YTHDC2: variants seen among roughly 807,000 people sequenced by gnomAD.
The protein encoded by YTHDC2 is 3'-5' RNA helicase YTHDC2.
YTHDC2 carries 45 observed loss-of-function variants against 174.9 expected under a neutral mutation model. That is an observed-to-expected ratio of 0.26 (90% CI 0.20 to 0.33). The LOEUF (loss-of-function observed/expected upper bound fraction) is 0.33, where lower values mean the gene tolerates loss of function less well. YTHDC2 is among the 10% of genes least tolerant of loss of function. YTHDC2 has a pLI of 1.00. For synonymous variants in YTHDC2, 657 were observed against 574.5 expected (o/e 1.14, Z -2.05); for missense variants, 1,650 against 1,723.7 (o/e 0.96, Z 0.76).
At chr5:113,517,534 A>G in intron 2 of YTHDC2, 1 of 456,160 alleles carries the variant, frequency 2.2e-6, no homozygotes. Flanking sequence ...AGTTATGGAG[A>G]CAAAAATGGG....
At position 113,548,623 on chromosome 5, in the gene YTHDC2, A is replaced by C; in HGVS notation, c.1578A>C (p.Leu526Phe). The change falls in exon 11 of 30, where the codon TTA (leucine) becomes TTC (phenylalanine). Residue 526 changes from leucine (L) to phenylalanine (F), a missense_variant. This residue lies in a region of YTHDC2 where 411 missense variants were observed against 380.6 expected (regional missense o/e 1.08). Coordinates refer to ENST00000161863, the MANE Select transcript of YTHDC2 (RefSeq NM_022828.5). ...GRGFASQVEQ[L>F]ISMGANVHSK... ...GCTTTGCAAGTCAAGTAGAACAGTT[A>C]ATCAGTATGGGAGCCAATGTCCATA... 1.2e-6 allele frequency: 2 copies of C among 1,613,468 alleles called. No homozygotes were observed. The highest frequency in any genetic ancestry group is 1.7e-6 in the Non-Finnish European group (2 of 1,179,682).
At chr5:113,581,828 A>T in intron 25 of YTHDC2, 119 bp downstream of exon 25, 1 of 857,994 alleles carries the variant, frequency 1.2e-6, no homozygotes, top group Non-Finnish European at 1.6e-6. Context: ...TCTAAGATCC[A>T]TGAAAAGATA....
intron 4 of YTHDC2, among the ~76,000 whole-genome samples, chr5:113,532,306 G>A (rs1774730597): frequency 6.6e-6 from 1 of 152,124 alleles, no homozygotes; most frequent in East Asian, 1.9e-4. Flanking sequence ...ATAAGTAACA[G>A]TAGTTACTTT....
chr5:113,527,715 C>T (rs1196385113), intron 4 of YTHDC2, among the ~76,000 whole-genome samples: 6 of 151,362 alleles, frequency 4.0e-5, no homozygotes, highest in African/African-American at 1.5e-4. Flanking sequence ...AAACTTGATC[C>T]TGTAAAACTG....
At chr5:113,589,159 C>G (rs946623503) in intron 26 of YTHDC2, among the ~76,000 whole-genome samples, 10 of 151,526 alleles carry the variant, frequency 6.6e-5, no homozygotes, top group African/African-American at 2.4e-4. Context: ...GCCTGAAGAA[C>G]CTCCTTTCTG....
intron 20 of YTHDC2, among the ~76,000 whole-genome samples, chr5:113,565,067 G>T (rs1428826121): frequency 2.0e-5 from 3 of 151,972 alleles, no homozygotes; most frequent in Non-Finnish European, 4.4e-5. Context: ...GCCTGCTTTG[G>T]CCTCCCAAAG....
In YTHDC2 at chr5:113,527,381, T is replaced by C. The variant is rs1774336939; in HGVS notation, c.675+596T>C. ...GTACCTCCTTATGAAGTTTTACTCA[T>C]AGGATAACAGATTGGAAGTAGTAAG... On this transcript the variant is annotated intron_variant, in intron 4 of 29. Transcript: ENST00000161863. Among the ~76,000 whole-genome samples the C allele has an allele frequency of 1.3e-5, 2 of 152,228 alleles. 1 individual carries two copies. The highest frequency in any genetic ancestry group is 4.8e-5 in the African/African-American group (2 of 41,458).
chr5:113,530,800 G>C (rs780197821), intron 4 of YTHDC2, among the ~76,000 whole-genome samples: 10 of 151,294 alleles, frequency 6.6e-5, no homozygotes, highest in Non-Finnish European at 1.0e-4. Context: ...GAAGATTCAA[G>C]TTTCTGGCCT....
In YTHDC2 at chr5:113,549,011, A is replaced by T; in HGVS notation, c.1679A>T (p.Glu560Val). Residue 560 changes from glutamate to valine, a missense_variant, in exon 12 of 30, where the codon GAA becomes GTA. Glu to Val is a moderately radical substitution (Grantham distance 121). Coordinates refer to ENST00000161863, the MANE Select transcript of YTHDC2 (RefSeq NM_022828.5). The stretch of plus-strand genomic sequence containing the variant: ...CAGACTGAAATTGTGGATCTTCTAG[A>T]ATCTTACAGGTAAAACTTTGTACTA... The part of the protein sequence containing the change: ...FGQTEIVDLL[E>V]SYSATLEFGN... The T allele has an allele frequency of 6.2e-7, 1 of 1,612,354 alleles. No individual in the cohort carries two copies. Among genetic ancestry groups the T allele is most frequent in the Non-Finnish European group, 8.5e-7 (1 of 1,178,910 alleles).
In YTHDC2 at chr5:113,554,415, C is replaced by A. The variant is rs371445035; in HGVS notation, c.2133+393C>A. Among the ~76,000 whole-genome samples, 7 of 152,136 alleles carry A rather than the reference C, an allele frequency of 4.6e-5. No homozygotes were observed. The South Asian group carries it at 1.5e-3, about 32-fold the overall frequency. ...TTTTTATGTTTTCCTTCTACATATGCACATGGATTATGTCTTTGTTCACTG... is the reference window on the plus strand; with the variant it reads ...TTTTTATGTTTTCCTTCTACATATGAACATGGATTATGTCTTTGTTCACTG... On this transcript the variant is annotated intron_variant, in intron 16 of 29. Transcript: ENST00000161863.
At chr5:113,517,469 T>C (rs1412126281) in intron 2 of YTHDC2, 5 of 444,864 alleles carry the variant, frequency 1.1e-5, no homozygotes, top group Non-Finnish European at 2.3e-5. Context: ...AGCATAGTCA[T>C]GTAAGAGCTG....
chr5:113,568,620 C>T (rs940807104), intron 23 of YTHDC2, among the ~76,000 whole-genome samples: 7 of 152,148 alleles, frequency 4.6e-5, no homozygotes, highest in African/African-American at 9.7e-5. Context: ...TGAGAACATG[C>T]GGTGTTTGGT....
At chr5:113,591,881 T>G in intron 27 of YTHDC2, 115 bp from the exon 28 acceptor site, 1 of 820,270 alleles carries the variant, frequency 1.2e-6, no homozygotes. Flanking sequence ...TATCTGTTAT[T>G]TCAATATTAT....
chr5:113,552,994 A>G (rs1776349477), intron 12 of YTHDC2, among the ~76,000 whole-genome samples, 187 bp from the exon 13 acceptor site: 1 of 152,014 alleles, frequency 6.6e-6, no homozygotes, highest in African/African-American at 2.4e-5. Flanking sequence ...TGCTTTTCTA[A>G]AAGCATTCAT....
chr5:113,548,792 T>A, intron 11 of YTHDC2, 125 bp downstream of exon 11: 1 of 1,192,984 alleles, frequency 8.4e-7, no homozygotes, highest in Non-Finnish European at 1.1e-6. Flanking sequence ...ATTTCTGTTT[T>A]AATGGGTTAA....
At position 113,513,940 on chromosome 5, in the gene YTHDC2, C is replaced by T. The variant is rs760673452; in HGVS notation, c.45C>T (p.Gly15=). Residue 15 remains glycine, a synonymous_variant, in exon 1 of 30, where the codon GGC becomes GGT. Coordinates refer to ENST00000161863, the MANE Select transcript of YTHDC2 (RefSeq NM_022828.5). ...SSVSPRQPAP[G]GGGGGGPSPC... is the part of the protein sequence containing the mutation. ...TCTCCCCGCGGCAGCCGGCTCCTGG[C>T]GGTGGCGGAGGCGGCGGCCCCTCGC... The T allele has an allele frequency of 4.1e-5, 66 of 1,605,070 alleles. No individual in the cohort carries two copies. In the East Asian group the frequency reaches 1.4e-3, roughly 34 times the overall value.
chr5:113,587,669 T>G (rs1778768785), intron 26 of YTHDC2, among the ~76,000 whole-genome samples: 1 of 149,608 alleles, frequency 6.7e-6, no homozygotes, highest in African/African-American at 2.4e-5. Flanking sequence ...TAGTAAGTCT[T>G]GAAATCAGTT....
At chr5:113,525,916 A>G (rs900473600) in intron 3 of YTHDC2, among the ~76,000 whole-genome samples, 4 of 152,124 alleles carry the variant, frequency 2.6e-5, no homozygotes, top group Non-Finnish European at 5.9e-5. Flanking sequence ...ATAGGCACAC[A>G]AACATATTTT....
Position 113,533,064 on chromosome 5 carries a change from T to C in YTHDC2, c.842+19T>C. ...AAAGCAGGTAAAAACAGTTCTCATG[T>C]ATCTTCTCTTTTATCATGCTTAAAA... On this transcript the variant is annotated intron_variant, in intron 5 of 29. Transcript: ENST00000161863. 1.2e-6 allele frequency: 2 copies of C among 1,611,564 alleles called. No individual in the cohort carries two copies. Among genetic ancestry groups the C allele is most frequent in the Non-Finnish European group, 1.7e-6 (2 of 1,178,692 alleles).
Sources: allele counts gnomAD v4.1 joint callset (sites outside exome capture counted in the v4.1 genomes callset), GRCh38; gene constraint gnomAD v4.1.1; regional missense constraint gnomAD v4.1.1; transcripts MANE v1.5; gene names NCBI Gene and HGNC (gene_info 2026-07-23, HGNC 2026-07-21).